The following KCNMA1 variants were observed in gnomAD, a reference collection of about 807,000 sequenced individuals.
KCNMA1 encodes Calcium-activated potassium channel subunit alpha-1.
In KCNMA1, 29 loss-of-function variants were observed where a neutral mutation model predicts 140.0. The observed-to-expected ratio is 0.21, with a 90% confidence interval of 0.15 to 0.28. The LOEUF (loss-of-function observed/expected upper bound fraction) is 0.28. Among genes scored for constraint, KCNMA1 ranks in the 10% least tolerant of loss-of-function variants. The probability of loss-of-function intolerance (pLI) is 1.00; values close to 1 mark genes in which losing one functional copy is unlikely to be tolerated. For synonymous variants in KCNMA1, 612 were observed against 611.9 expected, an observed-to-expected ratio of 1.00 and a Z score of 0.00; for missense variants, 880 against 1,602.2, an observed-to-expected ratio of 0.55 and a Z score of 7.70.
At chr10:77,259,737 G>C (rs1294514939) in intron 2 of KCNMA1, among the ~76,000 whole-genome samples, 1 of 152,164 alleles carries the variant, frequency 6.6e-6, no homozygotes, top group Non-Finnish European at 1.5e-5. Context: ...CAGCTCTGCT[G>C]TCACTTCCCT....
At chr10:77,497,898 G>A (rs2042504492) in intron 1 of KCNMA1, among the ~76,000 whole-genome samples, 1 of 152,178 alleles carries the variant, frequency 6.6e-6, no homozygotes, top group Non-Finnish European at 1.5e-5. Context: ...GAGGGAGAAG[G>A]ATGCTGCCAC....
At chr10:76,920,020 G>GTATATGTATATATATATA (rs1554921803) in intron 23 of KCNMA1, among the ~76,000 whole-genome samples, 21 of 34,432 alleles carry the variant, frequency 6.1e-4, no homozygotes, top group Non-Finnish European at 1.1e-3. Flanking sequence ...GTGTGTGTGT[G>GTATATGTATATATATATA]TATATATATA....
chr10:77,527,346 A>C (rs2154552193), intron 1 of KCNMA1, among the ~76,000 whole-genome samples: 1 of 152,342 alleles, frequency 6.6e-6, no homozygotes, highest in African/African-American at 2.4e-5. Context: ...GGAACACACA[A>C]GTGCTTTTCA....
At chr10:77,257,451 A>C (rs2061011038) in intron 2 of KCNMA1, among the ~76,000 whole-genome samples, 1 of 152,242 alleles carries the variant, frequency 6.6e-6, no homozygotes, top group Non-Finnish European at 1.5e-5. Flanking sequence ...AGGAAGGATC[A>C]GATCAGGCAG....
intron 20 of KCNMA1, among the ~76,000 whole-genome samples, chr10:76,955,197 C>CTTTTTTTTTTTTTT: frequency 7.1e-6 from 1 of 141,168 alleles, no homozygotes; most frequent in African/African-American, 2.6e-5. Context: ...TTTCTTTTTT[C>CTTTTTTTTTTTTTT]TTTTTTTTTT....
chr10:77,232,755 A>G (rs969458305), intron 3 of KCNMA1, among the ~76,000 whole-genome samples: 1 of 152,088 alleles, frequency 6.6e-6, no homozygotes, highest in African/African-American at 2.4e-5. Context: ...ACAAAGGTCT[A>G]CCCCGTCTTC....
chr10:76,995,543 T>C (rs1340826511), intron 19 of KCNMA1: 1 of 470,826 alleles, frequency 2.1e-6, no homozygotes, highest in Non-Finnish European at 4.4e-6. Context: ...ACAAGAAAGC[T>C]CAAGTGGAAG....
chr10:77,144,460 A>G (rs556296292), intron 5 of KCNMA1, among the ~76,000 whole-genome samples: 52 of 152,318 alleles, frequency 3.4e-4, no homozygotes, highest in South Asian at 1.5e-3. Context: ...GCATAAAGAA[A>G]CATTCCAGGA....
chr10:77,082,007 CTTTTTTTTTTTTTTTTTTTTT>C (rs201288668), intron 12 of KCNMA1, among the ~76,000 whole-genome samples: 38 of 32,510 alleles, frequency 1.2e-3, no homozygotes, highest in East Asian at 2.4e-3. Context: ...TTTTTCTTTT[CTTTTTTTTTTTTTTTTTTTTT>C]TTTTTTTTTT....
intron 1 of KCNMA1, among the ~76,000 whole-genome samples, chr10:77,631,284 G>A (rs2093177718): frequency 6.6e-6 from 1 of 152,120 alleles, no homozygotes; most frequent in Non-Finnish European, 1.5e-5. Context: ...CTAATGCGTG[G>A]GGTTCCACCC....
chr10:77,173,153 T>A (rs1054462211), intron 5 of KCNMA1, among the ~76,000 whole-genome samples: 1 of 152,218 alleles, frequency 6.6e-6, no homozygotes, highest in Non-Finnish European at 1.5e-5. Flanking sequence ...ATGGATTGTT[T>A]TTATTTATTT....
intron 1 of KCNMA1, among the ~76,000 whole-genome samples, chr10:77,552,952 G>A (rs1289037381): frequency 6.6e-6 from 1 of 152,126 alleles, no homozygotes; most frequent in African/African-American, 2.4e-5. Context: ...GGGAGGCTGG[G>A]GCATGAGAAT....
chr10:77,626,625 G>A (rs1045649191), intron 1 of KCNMA1, among the ~76,000 whole-genome samples: 6 of 152,092 alleles, frequency 3.9e-5, no homozygotes, highest in Admixed American at 1.3e-4. Flanking sequence ...AGAAAACAAC[G>A]TCAATGTGGC....
chr10:77,537,514 T>A (rs2059172668), intron 1 of KCNMA1, among the ~76,000 whole-genome samples: 1 of 152,210 alleles, frequency 6.6e-6, no homozygotes, highest in African/African-American at 2.4e-5. Context: ...TTGGAAAGCA[T>A]CTTCCCTATG....
At chr10:77,090,570 C>G (rs1448603175) in intron 9 of KCNMA1, 60 bp from the exon 10 acceptor site, 1 of 1,120,374 alleles carries the variant, frequency 8.9e-7, no homozygotes, top group Non-Finnish European at 1.4e-6. Flanking sequence ...TGCATCCCAC[C>G]CCCTGGCAAG....
At chr10:77,627,933 T>C (rs933158337) in intron 1 of KCNMA1, among the ~76,000 whole-genome samples, 1 of 152,158 alleles carries the variant, frequency 6.6e-6, no homozygotes, top group Non-Finnish European at 1.5e-5. Flanking sequence ...CTTCTGCACT[T>C]GTTAAATCAG....
intron 1 of KCNMA1, among the ~76,000 whole-genome samples, chr10:77,404,423 C>T (rs908919548): frequency 5.9e-5 from 9 of 152,126 alleles, no homozygotes; most frequent in East Asian, 3.9e-4. Context: ...GAATTACAGG[C>T]GCGCGGCCAC....
intron 6 of KCNMA1, among the ~76,000 whole-genome samples, chr10:77,118,783 C>T (rs963649911): frequency 3.3e-5 from 5 of 152,212 alleles, no homozygotes; most frequent in East Asian, 1.9e-4. Context: ...TTAACCACAC[C>T]GTCAGGTGGC....
intron 1 of KCNMA1, among the ~76,000 whole-genome samples, chr10:77,439,581 C>T (rs2097351252): frequency 6.6e-6 from 1 of 152,150 alleles, no homozygotes; most frequent in African/African-American, 2.4e-5. Context: ...AAAAGCTCAC[C>T]ACCCCAAAAT....
Sources: gnomAD v4.1 joint callset for allele counts (sites outside exome capture counted in the v4.1 genomes callset) on GRCh38, gnomAD v4.1.1 for gene constraint, MANE v1.5 for transcripts, NCBI Gene and HGNC (gene_info 2026-07-23, HGNC 2026-07-21) for gene names.